Variants in NUP210L observed in about 807,000 individuals in gnomAD.
The protein encoded by NUP210L is nuclear pore membrane glycoprotein 210-like.
NUP210L carries 74 observed loss-of-function variants against 208.5 expected under a neutral mutation model. The observed-to-expected ratio is 0.35, with a 90% CI of 0.29 to 0.43. The LOEUF (loss-of-function observed/expected upper bound fraction) is 0.43. Ranked by LOEUF, NUP210L falls within the 20% of genes least tolerant of loss-of-function variation. The probability of loss-of-function intolerance (pLI) is 1.00; values close to 1 mark genes in which losing one functional copy is unlikely to be tolerated. For synonymous variants in NUP210L, 780 were observed against 816.9 expected (o/e 0.95, Z 0.77); for missense variants, 1,843 against 2,289.4 (o/e 0.81, Z 3.98).
intron 23 of NUP210L, among the ~76,000 whole-genome samples, chr1:154,055,818 G>A (rs560536573): frequency 2.6e-5 from 4 of 152,318 alleles, no homozygotes; most frequent in African/African-American, 9.6e-5. Flanking sequence ...ACTAAAATAA[G>A]TTATATATCT....
chr1:154,151,035 A>G (rs1387842946), intron 2 of NUP210L, among the ~76,000 whole-genome samples: 2 of 152,072 alleles, frequency 1.3e-5, no homozygotes, highest in East Asian at 3.9e-4. Context: ...AACTTTGGAA[A>G]ATTGGTCCCA....
intron 16 of NUP210L, among the ~76,000 whole-genome samples, chr1:154,075,745 C>T (rs1024656849): frequency 1.3e-5 from 2 of 151,646 alleles, no homozygotes; most frequent in Non-Finnish European, 2.9e-5. Flanking sequence ...ATAGAAACTG[C>T]CTTGAGAATG....
intron 11 of NUP210L, 51 bp downstream of exon 11, chr1:154,118,620 C>G (rs573277386): frequency 8.2e-7 from 1 of 1,215,842 alleles, no homozygotes; most frequent in African/African-American, 1.5e-5. Context: ...ATAAATTAAG[C>G]TATTAGAGAA....
chr1:154,090,659 A>C (rs1475604607), intron 15 of NUP210L, among the ~76,000 whole-genome samples: 4 of 152,102 alleles, frequency 2.6e-5, no homozygotes, highest in African/African-American at 9.7e-5. Flanking sequence ...AAAAACACAA[A>C]AATTAGCCAG....
At chr1:154,017,284 CAAAA>C (rs1266870105) in intron 33 of NUP210L, among the ~76,000 whole-genome samples, 1 of 107,446 alleles carries the variant, frequency 9.3e-6, no homozygotes, top group Admixed American at 1.1e-4. Context: ...CTGTCTCCAA[CAAAA>C]AAAAAAAAAG....
intron 23 of NUP210L, among the ~76,000 whole-genome samples, chr1:154,055,219 C>T (rs1053436268): frequency 2.8e-5 from 4 of 142,130 alleles, no homozygotes; most frequent in Admixed American, 7.4e-5. Flanking sequence ...CTCTCCCTCT[C>T]TCTTTCTTTC....
At chr1:154,102,602 ATAGT>A (rs2148066426) in intron 13 of NUP210L, among the ~76,000 whole-genome samples, 1 of 152,312 alleles carries the variant, frequency 6.6e-6, no homozygotes, top group South Asian at 2.1e-4. Context: ...TAAGAATTAA[ATAGT>A]TAATGTATAA....
At chr1:154,045,175 C>T (rs1653104982) in intron 27 of NUP210L, among the ~76,000 whole-genome samples, 2 of 152,102 alleles carry the variant, frequency 1.3e-5, no homozygotes, top group Admixed American at 1.3e-4. Flanking sequence ...GCGACTACAG[C>T]TCCGTGGTAC....
intron 27 of NUP210L, among the ~76,000 whole-genome samples, chr1:154,041,191 G>A (rs796357224): frequency 2.0e-5 from 3 of 149,568 alleles, no homozygotes; most frequent in African/African-American, 7.4e-5. Flanking sequence ...TCTCAAACTC[G>A]TGGGCTCAAG....
intron 1 of NUP210L, among the ~76,000 whole-genome samples, chr1:154,154,371 C>G (rs1016739162): frequency 6.6e-6 from 1 of 152,194 alleles, no homozygotes; most frequent in Non-Finnish European, 1.5e-5. Context: ...AAGTCCTTCT[C>G]ACATTGAATA....
Position 154,009,624 on chromosome 1 carries a change from T to TA in NUP210L, c.4930+347dup, listed in dbSNP as rs35760411. Among the ~76,000 whole-genome samples, 76 of 55,444 alleles carry TA rather than the reference T, an allele frequency of 1.4e-3. 2 individuals carry two copies. Among genetic ancestry groups the TA allele is most frequent in the Admixed American group, 2.7e-3 (12 of 4,392 alleles). 36.4% of individuals were successfully genotyped at this position (55,444 alleles called of 152,430 possible). On this transcript the variant is annotated intron_variant, in intron 35 of 39. Coordinates refer to ENST00000368559, the Ensembl canonical transcript of NUP210L. ...CAATATAGGAAGATCACGTTGCTCTTAAAAAAAAAAAAAAAAAAAAAAAAA... is the reference window on the plus strand; with the variant it reads ...CAATATAGGAAGATCACGTTGCTCTTAAAAAAAAAAAAAAAAAAAAAAAAAA...
chr1:154,139,974 T>A lies in NUP210L; in HGVS notation c.567-22A>T, dbSNP rs200819875. ...AATCCTAAAGACATAAAATAAAATG[T>A]GTTTCTAGCAGAATTAAACGAAGGG... On this transcript the variant is annotated intron_variant, in intron 4 of 39. Transcript: ENST00000368559. The A allele has an allele frequency of 5.0e-6, 8 of 1,586,232 alleles. No individual in the cohort carries two copies. In the Admixed American group the frequency reaches 1.4e-4, roughly 28 times the overall value.
chr1:154,061,593 C>A, exon 18 of NUP210L: 1 of 1,572,396 alleles, frequency 6.4e-7, no homozygotes, highest in South Asian at 1.1e-5. Flanking sequence ...CACTTTTGGG[C>A]TTTTCTTCTC....
intron 33 of NUP210L, among the ~76,000 whole-genome samples, chr1:154,015,374 C>A (rs1278590762): frequency 1.3e-5 from 2 of 151,570 alleles, no homozygotes; most frequent in East Asian, 3.9e-4. Context: ...ACACTTGAGC[C>A]CAGGAGTTCG....
At chr1:154,034,605 A>C (rs539640728) in intron 27 of NUP210L, among the ~76,000 whole-genome samples, 2 of 152,308 alleles carry the variant, frequency 1.3e-5, no homozygotes, top group South Asian at 4.1e-4. Context: ...CTGGGATTAC[A>C]GGAGTGAGCC....
At chr1:154,148,322 T>C (rs1312731562) in intron 2 of NUP210L, among the ~76,000 whole-genome samples, 1 of 149,670 alleles carries the variant, frequency 6.7e-6, no homozygotes, top group Non-Finnish European at 1.5e-5. Context: ...TGACACCCCA[T>C]CTTTACAAAA....
intron 12 of NUP210L, among the ~76,000 whole-genome samples, chr1:154,105,358 C>T (rs1458533509): frequency 1.3e-5 from 2 of 152,056 alleles, no homozygotes; most frequent in Non-Finnish European, 2.9e-5. Context: ...GGCGTGGTGG[C>T]GGGCACCTGT....
At chr1:154,076,737 C>T (rs1434686450) in intron 16 of NUP210L, among the ~76,000 whole-genome samples, 1 of 151,646 alleles carries the variant, frequency 6.6e-6, no homozygotes, top group Non-Finnish European at 1.5e-5. Context: ...CACCATCATA[C>T]GTACCAGTAT....
In NUP210L at chr1:154,006,926, C is replaced by CTGTGTG. The variant is rs796890210; in HGVS notation, c.4930+3040_4930+3045dup. 3.9e-3 allele frequency among the ~76,000 whole-genome samples: 344 copies of CTGTGTG among 88,144 alleles called. 1 individual carries two copies. Among genetic ancestry groups the CTGTGTG allele is most frequent in the South Asian group, 9.1e-3 (21 of 2,316 alleles). 57.8% of individuals were successfully genotyped at this position (88,144 alleles called of 152,430 possible). ...TATATATACACATATACACATATGT[C>CTGTGTG]TGTGTGTGTGTGTGTGTGTGTATAT... is the stretch of plus-strand genomic sequence containing the variant. On this transcript the variant is annotated intron_variant, in intron 35 of 39. Transcript: ENST00000368559.
Sources: gnomAD v4.1 joint callset for allele counts (sites outside exome capture counted in the v4.1 genomes callset) on GRCh38, gnomAD v4.1.1 for gene constraint, MANE v1.5 for transcripts, NCBI Gene and HGNC (gene_info 2026-07-23, HGNC 2026-07-21) for gene names.